The following OPRK1 variants were observed in gnomAD, a reference collection of about 807,000 sequenced individuals.
OPRK1 encodes opioid receptor kappa 1, also known as kappa-type opioid receptor.
OPRK1 carries 15 observed loss-of-function variants against 24.5 expected under a neutral mutation model. That is an observed-to-expected ratio of 0.61 (90% confidence interval 0.41 to 0.94). The LOEUF (loss-of-function observed/expected upper bound fraction) is 0.94, where lower values mean the gene tolerates loss of function less well. Ranked by LOEUF, OPRK1 falls within the 40% of genes least tolerant of loss-of-function variation. The probability of loss-of-function intolerance (pLI) is 0.00; values close to 1 mark genes in which losing one functional copy is unlikely to be tolerated. For synonymous variants in OPRK1, 205 were observed against 198.0 expected (o/e 1.04, Z -0.30); for missense variants, 479 against 507.3 (o/e 0.94, Z 0.54).
intron 3 of OPRK1, among the ~76,000 whole-genome samples, chr8:53,233,058 G>T (rs946215318): frequency 6.6e-6 from 1 of 152,208 alleles, no homozygotes; most frequent in Non-Finnish European, 1.5e-5. Flanking sequence ...ATATGATAAA[G>T]TTGGGCATTT....
At chr8:53,239,034 T>C (rs1205040830) in intron 2 of OPRK1, among the ~76,000 whole-genome samples, 1 of 152,242 alleles carries the variant, frequency 6.6e-6, no homozygotes, top group Non-Finnish European at 1.5e-5. Context: ...AATAAACCTT[T>C]AATCTTGATG....
In OPRK1 at chr8:53,229,781, G is replaced by T; in HGVS notation, c.659C>A (p.Ser220Tyr). ...CSLQFPDDDY[S>Y]WWDLFMKICV... ...GATCTTCATGAAGAGGTCCCACCAG[G>T]AGTAGTCATCATCTGGGAACTGCAA... Residue 220 changes from serine (S) to tyrosine (Y), a missense_variant, in exon 4 of 4, where the codon TCC becomes TAC. Ser to Tyr is a moderately radical substitution (Grantham distance 144). Transcript: ENST00000265572. 1.2e-6 allele frequency: 2 copies of T among 1,606,086 alleles called. No homozygotes were observed. The highest frequency in any genetic ancestry group is 2.2e-5 in the East Asian group (1 of 44,798).
At position 53,229,587 on chromosome 8, in the gene OPRK1, C is replaced by T. The variant is rs369742092; in HGVS notation, c.853G>A (p.Val285Ile). ...AATATGTGAATGGGAGTCCAGCAGA[C>T]GACGAAGACTGCCACCACCACCAGG... ...LVLVVVAVFV[V>I]CWTPIHIFIL... Residue 285 changes from valine (V) to isoleucine (I), a missense_variant, in exon 4 of 4, where the codon GTC becomes ATC. Transcript: ENST00000265572. 2.2e-5 allele frequency: 36 copies of T among 1,614,016 alleles called. No homozygotes were observed. Among genetic ancestry groups the T allele is most frequent in the Middle Eastern group, 1.6e-4 (1 of 6,084 alleles).
rs566069734 is a variant in OPRK1 at position 53,249,037 on chromosome 8, C to T, written c.257+1744G>A. 3.9e-5 allele frequency among the ~76,000 whole-genome samples: 6 copies of T among 152,146 alleles called. No homozygotes were observed. The East Asian group carries it at 1.2e-3, about 29-fold the overall frequency. ...TTTCCTTCTTACATGTCAAATGTTC[C>T]CCATGGAGTTATATTTGCACATAAC... On this transcript the variant is annotated intron_variant, in intron 2 of 3. Transcript: ENST00000265572.
rs1173040863 is a variant in OPRK1 at position 53,226,079 on chromosome 8, T to C, written c.*3218A>G. 1 of 152,184 alleles carries C rather than the reference T, an allele frequency of 6.6e-6. No individual in the cohort carries two copies. Among genetic ancestry groups the C allele is most frequent in the African/African-American group, 2.4e-5 (1 of 41,454 alleles). The allele number at this position is 152,184 out of a possible 1,614,324, so 9.4% of individuals were successfully genotyped here. On this transcript the variant is annotated 3_prime_UTR_variant, in exon 4 of 4. Coordinates refer to ENST00000265572, the MANE Select transcript of OPRK1 (RefSeq NM_000912.5). Reference sequence around the variant, plus strand: ...CATCGTATTTCATCCCAGGACTAGATGAAACACCTATAAATTGTCTGACAA... The same window carrying C: ...CATCGTATTTCATCCCAGGACTAGACGAAACACCTATAAATTGTCTGACAA...
chr8:53,231,829 T>C (rs1409420794), intron 3 of OPRK1, among the ~76,000 whole-genome samples: 1 of 152,226 alleles, frequency 6.6e-6, no homozygotes, highest in East Asian at 1.9e-4. Flanking sequence ...CCGGCTAAGC[T>C]AAGCTAAGCA....
chr8:53,248,329 C>T (rs1585524706), intron 2 of OPRK1, among the ~76,000 whole-genome samples: 1 of 150,410 alleles, frequency 6.6e-6, no homozygotes, highest in Admixed American at 6.6e-5. Context: ...TCTAGATCTG[C>T]ACCTGCCCAC....
intron 3 of OPRK1, among the ~76,000 whole-genome samples, chr8:53,233,802 C>G (rs1806912883): frequency 6.6e-6 from 1 of 152,136 alleles, no homozygotes; most frequent in Non-Finnish European, 1.5e-5. Flanking sequence ...TTACACCAGA[C>G]CCTTAAGGGG....
At position 53,234,909 on chromosome 8, in the gene OPRK1, C is replaced by T. The variant is rs756086278; in HGVS notation, c.460G>A (p.Val154Met). Residue 154 changes from valine (V) to methionine (M), a missense_variant, in exon 3 of 4, where the codon GTG becomes ATG. Coordinates refer to ENST00000265572, the MANE Select transcript of OPRK1 (RefSeq NM_000912.5). ...TGGCACACGGCAATGTAGCGGTCCA[C>T]GCTCATCATGGTCAAGGTGAAGATG... ...TSIFTLTMMS[V>M]DRYIAVCHPV... 13 of 1,614,020 alleles carry T rather than the reference C, an allele frequency of 8.1e-6. No individual in the cohort carries two copies. The highest frequency in any genetic ancestry group is 4.5e-5 in the East Asian group (2 of 44,898).
At chr8:53,239,861 C>T (rs1423468583) in intron 2 of OPRK1, among the ~76,000 whole-genome samples, 3 of 152,152 alleles carry the variant, frequency 2.0e-5, no homozygotes, top group Admixed American at 6.5e-5. Context: ...TTTGAGAAAA[C>T]GTCTTAGAAA....
intron 3 of OPRK1, among the ~76,000 whole-genome samples, chr8:53,232,906 GTATGGAAAA>G (rs1563327098): frequency 6.6e-6 from 1 of 152,180 alleles, no homozygotes; most frequent in Non-Finnish European, 1.5e-5. Flanking sequence ...ATATACTACA[GTATGGAAAA>G]TATTAGAGTC....
chr8:53,235,557 G>T (rs75619745), intron 2 of OPRK1, among the ~76,000 whole-genome samples: 5,555 of 151,522 alleles, frequency 0.037, 316 homozygotes, highest in African/African-American at 0.13. Flanking sequence ...TTATAATTAT[G>T]ATGTATTTTG....
intron 2 of OPRK1, 62 bp from the exon 3 acceptor site, chr8:53,235,173 T>A (rs1806961909): frequency 7.2e-7 from 1 of 1,387,570 alleles, no homozygotes; most frequent in Non-Finnish European, 1.0e-6. Context: ...AAGGTGAATG[T>A]GTTTGTGATA....
At chr8:53,236,222 A>G (rs1806993331) in intron 2 of OPRK1, among the ~76,000 whole-genome samples, 1 of 152,230 alleles carries the variant, frequency 6.6e-6, no homozygotes, top group Non-Finnish European at 1.5e-5. Flanking sequence ...GTGAACTCAG[A>G]CAATCCTGAG....
chr8:53,247,990 CAAAAAAAAAAA>C (rs767911838), intron 2 of OPRK1, among the ~76,000 whole-genome samples: 44 of 32,366 alleles, frequency 1.4e-3, no homozygotes, highest in African/African-American at 2.7e-3. Context: ...GATTCTGTCT[CAAAAAAAAAAA>C]AAAAAAAAAA....
intron 3 of OPRK1, among the ~76,000 whole-genome samples, chr8:53,231,013 C>T (rs1468848064): frequency 6.6e-6 from 1 of 151,998 alleles, no homozygotes; most frequent in Non-Finnish European, 1.5e-5. Context: ...ATTACATATA[C>T]TTTAAAATAA....
At chr8:53,230,339 T>G (rs1806821808) in intron 3 of OPRK1, among the ~76,000 whole-genome samples, 1 of 152,144 alleles carries the variant, frequency 6.6e-6, no homozygotes, top group South Asian at 2.1e-4. Context: ...GAAATCATTA[T>G]GTGGGTCAAC....
chr8:53,242,039 C>T (rs1480544966), intron 2 of OPRK1, among the ~76,000 whole-genome samples: 1 of 152,224 alleles, frequency 6.6e-6, no homozygotes, highest in African/African-American at 2.4e-5. Context: ...AAGAAAATGG[C>T]ACCTCGCTAA....
At chr8:53,247,282 A>G (rs754626433) in intron 2 of OPRK1, among the ~76,000 whole-genome samples, 1 of 152,232 alleles carries the variant, frequency 6.6e-6, no homozygotes, top group Non-Finnish European at 1.5e-5. Flanking sequence ...AGCAGAATGG[A>G]TAAGAGCATA....
Sources: allele counts gnomAD v4.1 joint callset (sites outside exome capture counted in the v4.1 genomes callset), GRCh38; gene constraint gnomAD v4.1.1; transcripts MANE v1.5; gene names NCBI Gene and HGNC (gene_info 2026-07-23, HGNC 2026-07-21).